SYNPR: variants seen among roughly 807,000 people sequenced by gnomAD.
SYNPR encodes synaptoporin.
Under a neutral mutation model 32.9 loss-of-function variants are expected in SYNPR, and 23 were observed. The observed-to-expected ratio is 0.70, with a 90% CI of 0.50 to 0.99. The LOEUF (loss-of-function observed/expected upper bound fraction) is 0.99. Ranked by LOEUF, SYNPR falls within the 50% of genes least tolerant of loss-of-function variation. The pLI, the probability that SYNPR is intolerant of heterozygous loss-of-function variation, is 0.00. For synonymous variants in SYNPR, 146 were observed against 135.9 expected, an observed-to-expected ratio of 1.07 and a Z score of -0.52; for missense variants, 318 against 349.3, an observed-to-expected ratio of 0.91 and a Z score of 0.71.
At chr3:63,361,584 C>A (rs35693695) in intron 2 of SYNPR, among the ~76,000 whole-genome samples, 1 of 133,758 alleles carries the variant, frequency 7.5e-6, no homozygotes, top group Non-Finnish European at 1.5e-5. Flanking sequence ...GGTGACAGAG[C>A]GAGACTCTGT....
intron 2 of SYNPR, among the ~76,000 whole-genome samples, chr3:63,451,301 C>A (rs2107175699): frequency 6.6e-6 from 1 of 152,180 alleles, no homozygotes; most frequent in African/African-American, 2.4e-5. Flanking sequence ...GTTAGGGGAA[C>A]CATTTCCCCA....
chr3:63,238,313 A>G lies in SYNPR; in HGVS notation n.66+9933A>G, dbSNP rs373735847. Reference sequence around the variant, plus strand: ...ACAGAAATGAACCTATTTCATTTTAATGAAAGAAAGAAACTCAGTTTGAAC... The same window carrying G: ...ACAGAAATGAACCTATTTCATTTTAGTGAAAGAAAGAAACTCAGTTTGAAC... On this transcript the variant is annotated intron_variant and non_coding_transcript_variant, in intron 1 of 4. Coordinates refer to the SYNPR transcript ENST00000478456. Among the ~76,000 whole-genome samples, 35 of 152,216 alleles carry G rather than the reference A, an allele frequency of 2.3e-4. No individual in the cohort carries two copies. In the South Asian group the frequency reaches 6.8e-3, roughly 30 times the overall value.
At chr3:63,551,518 G>A (rs1304762524) in intron 3 of SYNPR, among the ~76,000 whole-genome samples, 6 of 152,110 alleles carry the variant, frequency 3.9e-5, no homozygotes, top group African/African-American at 1.4e-4. Context: ...CAAAGTGGCT[G>A]CATCATTTTA....
At chr3:63,398,373 A>C (rs1560217102) in intron 2 of SYNPR, among the ~76,000 whole-genome samples, 1 of 152,184 alleles carries the variant, frequency 6.6e-6, no homozygotes, top group African/African-American at 2.4e-5. Context: ...TGCACTCTTT[A>C]TTCTCTGCCA....
intron 2 of SYNPR, among the ~76,000 whole-genome samples, chr3:63,337,775 T>C (rs1183026504): frequency 6.6e-6 from 1 of 152,192 alleles, no homozygotes; most frequent in African/African-American, 2.4e-5. Flanking sequence ...GCCTGCATTC[T>C]GTATGATTCC....
intron 2 of SYNPR, chr3:63,452,251 T>A (rs1240759054): frequency 9.3e-6 from 5 of 537,112 alleles, no homozygotes; most frequent in Non-Finnish European, 1.7e-5. Context: ...ACAAACATGG[T>A]CTCACGTAAG....
intron 4 of SYNPR, among the ~76,000 whole-genome samples, chr3:63,562,461 C>T (rs1386382791): frequency 6.6e-6 from 1 of 152,132 alleles, no homozygotes; most frequent in African/African-American, 2.4e-5. Flanking sequence ...AAGACAGAGG[C>T]TATGTTATTC....
At chr3:63,258,184 T>A (rs1370846638) in intron 2 of SYNPR, among the ~76,000 whole-genome samples, 2 of 152,116 alleles carry the variant, frequency 1.3e-5, no homozygotes, top group Non-Finnish European at 1.5e-5. Flanking sequence ...TTAACAAGGA[T>A]ATCCAGGAAT....
At chr3:63,370,933 G>C (rs995753542) in intron 2 of SYNPR, among the ~76,000 whole-genome samples, 1 of 152,146 alleles carries the variant, frequency 6.6e-6, no homozygotes, top group Non-Finnish European at 1.5e-5. Flanking sequence ...ATATGGGGGA[G>C]AGCCAAGATG....
intron 2 of SYNPR, among the ~76,000 whole-genome samples, chr3:63,328,857 T>C (rs73123165): frequency 0.048 from 7,351 of 152,302 alleles, 241 homozygotes; most frequent in Middle Eastern, 0.092. Context: ...TTGATTATAA[T>C]GTCCATGAGA....
intron 2 of SYNPR, among the ~76,000 whole-genome samples, chr3:63,316,895 A>G (rs7645513): frequency 0.76 from 115,451 of 151,710 alleles, 44,720 homozygotes; most frequent in Non-Finnish European, 0.83. Context: ...TCTTAGCACT[A>G]CCTTTGCTGT....
chr3:63,532,240 C>G (rs1291665547), intron 3 of SYNPR, among the ~76,000 whole-genome samples: 1 of 152,124 alleles, frequency 6.6e-6, no homozygotes, highest in Admixed American at 6.6e-5. Context: ...ATCGTATGTT[C>G]CCTGGCTCCA....
intron 4 of SYNPR, among the ~76,000 whole-genome samples, chr3:63,567,314 A>C (rs1702807105): frequency 6.6e-6 from 1 of 152,192 alleles, no homozygotes; most frequent in Admixed American, 6.5e-5. Context: ...GTCTGAAAAA[A>C]AGTGGAAGGG....
At chr3:63,351,040 T>A (rs1386657174) in intron 2 of SYNPR, among the ~76,000 whole-genome samples, 1 of 150,748 alleles carries the variant, frequency 6.6e-6, no homozygotes. Context: ...CTTTCTTGCA[T>A]TTTTTTTCTC....
At chr3:63,375,018 T>C (rs2087869707) in intron 2 of SYNPR, among the ~76,000 whole-genome samples, 1 of 152,182 alleles carries the variant, frequency 6.6e-6, no homozygotes, top group Non-Finnish European at 1.5e-5. Flanking sequence ...AAAACCACAA[T>C]GAGATACCAT....
In SYNPR at chr3:63,361,902, A is replaced by C. The variant is rs143610224; in HGVS notation, c.84+83160A>C. Among the ~76,000 whole-genome samples, 127 of 152,312 alleles carry C rather than the reference A, an allele frequency of 8.3e-4. No individual in the cohort carries two copies. The East Asian group carries it at 0.024, about 28-fold the overall frequency. On this transcript the variant is annotated intron_variant, in intron 2 of 5. Transcript: ENST00000478300. ...GGCCTTATGGGGCAACTCCTGAAAAAATAGCTAATATTATTAGAATATTTT... is the reference window on the plus strand; with the variant it reads ...GGCCTTATGGGGCAACTCCTGAAAACATAGCTAATATTATTAGAATATTTT...
intron 2 of SYNPR, among the ~76,000 whole-genome samples, chr3:63,313,704 CAT>C (rs200380588): frequency 0.051 from 1,591 of 31,388 alleles, 201 homozygotes; most frequent in East Asian, 0.066. Flanking sequence ...TATATATATC[CAT>C]ATATATATAT....
At chr3:63,348,468 C>G (rs1022546675) in intron 2 of SYNPR, among the ~76,000 whole-genome samples, 1 of 152,144 alleles carries the variant, frequency 6.6e-6, no homozygotes, top group Admixed American at 6.6e-5. Context: ...TATTTTCTCC[C>G]ATTTTCCAAG....
chr3:63,236,844 C>A (rs1034119071), intron 1 of SYNPR, among the ~76,000 whole-genome samples: 3 of 152,030 alleles, frequency 2.0e-5, no homozygotes, highest in African/African-American at 7.2e-5. Context: ...AATCTGTATG[C>A]CTTTCATTTC....
Sources: gnomAD v4.1 joint callset for allele counts (sites outside exome capture counted in the v4.1 genomes callset) on GRCh38, gnomAD v4.1.1 for gene constraint, MANE v1.5 for transcripts, NCBI Gene and HGNC (gene_info 2026-07-23, HGNC 2026-07-21) for gene names.